The following SLC30A9 variants were observed in gnomAD, a reference collection of about 807,000 sequenced individuals.
SLC30A9 encodes the protein solute carrier family 30 member 9.
Under a neutral mutation model 87.5 loss-of-function variants are expected in SLC30A9, and 58 were observed. The observed-to-expected ratio is 0.66, with a 90% confidence interval of 0.54 to 0.82. The LOEUF (loss-of-function observed/expected upper bound fraction) is 0.82. Ranked by LOEUF, SLC30A9 falls within the 40% of genes least tolerant of loss-of-function variation. The pLI, the probability that SLC30A9 is intolerant of heterozygous loss-of-function variation, is 0.00. For synonymous variants in SLC30A9, 234 were observed against 233.0 expected, an observed-to-expected ratio of 1.00 and a Z score of -0.04; for missense variants, 557 against 679.1, an observed-to-expected ratio of 0.82 and a Z score of 2.00.
chr4:42,029,963 G>A (rs1435695245), intron 6 of SLC30A9: 2 of 883,904 alleles, frequency 2.3e-6, no homozygotes, highest in South Asian at 1.3e-5. Context: ...GCAAACTCCT[G>A]CAGCCCAAAT....
At chr4:41,995,433 T>C (rs1404034753) in intron 1 of SLC30A9, among the ~76,000 whole-genome samples, 2 of 152,100 alleles carry the variant, frequency 1.3e-5, no homozygotes, top group Non-Finnish European at 2.9e-5. Flanking sequence ...TTATAGTTGC[T>C]GATAGTGTAG....
chr4:42,022,462 C>G (rs889274220), intron 4 of SLC30A9, among the ~76,000 whole-genome samples: 1 of 151,908 alleles, frequency 6.6e-6, no homozygotes, highest in Non-Finnish European at 1.5e-5. Flanking sequence ...GAACTCCTGA[C>G]CACCCACCTC....
chr4:42,023,963 A>G (rs10461068), intron 6 of SLC30A9, among the ~76,000 whole-genome samples: 98,308 of 152,002 alleles, frequency 0.65, 35,980 homozygotes, highest in East Asian at 0.96. Flanking sequence ...GGGGGAGACC[A>G]TCCCCATGAT....
chr4:41,993,752 G>A (rs1423456283), intron 1 of SLC30A9, among the ~76,000 whole-genome samples: 2 of 152,170 alleles, frequency 1.3e-5, no homozygotes, highest in African/African-American at 2.4e-5. Context: ...GTTTGCAGAA[G>A]TTTATTATAG....
At chr4:42,033,607 G>A (rs368474534) in intron 6 of SLC30A9, among the ~76,000 whole-genome samples, 1 of 151,784 alleles carries the variant, frequency 6.6e-6, no homozygotes, top group Non-Finnish European at 1.5e-5. Context: ...GCGGAGTCTC[G>A]CTCTGTGGCC....
rs370246324 is a variant in SLC30A9, at chr4:42,001,746, A to T, written c.240A>T (p.Thr80=). 28 of 1,610,426 alleles carry T rather than the reference A, an allele frequency of 1.7e-5. No individual in the cohort carries two copies. Among genetic ancestry groups the T allele is most frequent in the Non-Finnish European group, 2.4e-5 (28 of 1,178,436 alleles). The change falls in exon 2 of 18, where the codon ACA becomes ACT. Residue 80 remains threonine, a synonymous_variant. Coordinates refer to ENST00000264451, the MANE Select transcript of SLC30A9 (RefSeq NM_006345.4). ...NVQKEGQGSQ[T]LRVEKVPSFE... ...AGAAAGAAGGACAGGGATCACAAAC[A>T]CTCAGAGTGGAAAAAGTACCATCAT... is the stretch of plus-strand genomic sequence containing the variant.
intron 6 of SLC30A9, among the ~76,000 whole-genome samples, chr4:42,024,325 G>A (rs1296586741): frequency 6.6e-6 from 1 of 152,138 alleles, no homozygotes; most frequent in African/African-American, 2.4e-5. Flanking sequence ...GGGCAACATA[G>A]ACATAAATGG....
chr4:42,086,115 G>T lies in SLC30A9; in HGVS notation c.1696G>T (p.Glu566Ter). ...RNPEVRHVDL[E>*]IL The stretch of plus-strand genomic sequence containing the variant: ...TCCTGAAGTTCGACATGTAGATTTG[G>T]AGATACTGTGAGTTTGATGGAATGA... The change falls in exon 18 of 18, where the codon GAG (glutamate) becomes TAG (stop). Residue 566 changes from glutamate (E) to a stop codon, truncating the protein, a stop_gained. Coordinates refer to ENST00000264451, the MANE Select transcript of SLC30A9 (RefSeq NM_006345.4). LOFTEE classifies it high-confidence loss of function. The T allele has an allele frequency of 1.3e-6, 2 of 1,527,738 alleles. No homozygotes were observed. The highest frequency in any genetic ancestry group is 1.8e-6 in the Non-Finnish European group (2 of 1,124,620). 94.6% of individuals were successfully genotyped at this position (1,527,738 alleles called of 1,614,324 possible). A position where few individuals can be genotyped will look rare whatever the true frequency, so the allele number is the denominator to read the frequency against.
Position 42,066,751 on chromosome 4 carries a change from A to G in SLC30A9, c.1144+130A>G, listed in dbSNP as rs73812707. On this transcript the variant is annotated intron_variant, in intron 13 of 17. Coordinates refer to ENST00000264451, the MANE Select transcript of SLC30A9 (RefSeq NM_006345.4). ...TGAATATCATCCCTGTGTGGCTCTT[A>G]CATATCCTTCAGCCCTTATTAAAAA... 2.2e-3 allele frequency: 1,276 copies of G among 589,018 alleles called. 18 individuals carry two copies. The African/African-American group carries it at 0.022, about 10-fold the overall frequency. 36.5% of individuals were successfully genotyped at this position (589,018 alleles called of 1,614,324 possible). A position where few individuals can be genotyped will look rare whatever the true frequency, so the allele number is the denominator to read the frequency against.
At chr4:42,036,202 C>T (rs1716670749) in intron 7 of SLC30A9, among the ~76,000 whole-genome samples, 1 of 152,170 alleles carries the variant, frequency 6.6e-6, no homozygotes, top group Non-Finnish European at 1.5e-5. Context: ...TCACTCTTTA[C>T]TCTTCAGCTG....
intron 2 of SLC30A9, among the ~76,000 whole-genome samples, chr4:42,006,542 CTGGGCATAGTGGTG>C (rs1412452131): frequency 1.3e-5 from 2 of 152,054 alleles, no homozygotes; most frequent in Non-Finnish European, 2.9e-5. Context: ...CAAAAATTAG[CTGGGCATAGTGGTG>C]TGCACCTATA....
chr4:42,030,161 G>A, intron 6 of SLC30A9: 1 of 792,202 alleles, frequency 1.3e-6, no homozygotes, highest in Non-Finnish European at 1.8e-6. Flanking sequence ...CATTTAATAA[G>A]TTTAAAAAAA....
chr4:42,013,509 A>G (rs916636393), intron 2 of SLC30A9, among the ~76,000 whole-genome samples: 2 of 152,176 alleles, frequency 1.3e-5, no homozygotes, highest in African/African-American at 4.8e-5. Flanking sequence ...TACTAAACCT[A>G]AATCCTTTAT....
intron 7 of SLC30A9, among the ~76,000 whole-genome samples, chr4:42,036,567 T>TA (rs1384914731): frequency 1.1e-4 from 16 of 152,214 alleles, no homozygotes; most frequent in Non-Finnish European, 1.8e-4. Context: ...ATCAAGAAGT[T>TA]AATGTCATAT....
At chr4:42,078,908 T>G (rs1334324383) in intron 17 of SLC30A9, 1 of 152,224 alleles carries the variant, frequency 6.6e-6, no homozygotes, top group East Asian at 1.9e-4. Context: ...ATCTTTAATG[T>G]ATATAATTTG....
In SLC30A9 at chr4:42,070,707, G is replaced by A. The variant is rs1363249342; in HGVS notation, c.1418+16G>A. 1.2e-6 allele frequency: 2 copies of A among 1,605,766 alleles called. No individual in the cohort carries two copies. Among genetic ancestry groups the A allele is most frequent in the East Asian group, 2.2e-5 (1 of 44,830 alleles). ...CATCAGTAAGGTCAGCCTTATTCCA[G>A]TAATCCTGTTAAGGCTTACAAAAAC... is the stretch of plus-strand genomic sequence containing the variant. On this transcript the variant is annotated intron_variant, in intron 15 of 17. Coordinates refer to ENST00000264451, the MANE Select transcript of SLC30A9 (RefSeq NM_006345.4).
chr4:41,992,379 CG>C (rs977188856), intron 1 of SLC30A9, among the ~76,000 whole-genome samples: 3 of 151,586 alleles, frequency 2.0e-5, no homozygotes, highest in African/African-American at 7.3e-5. Context: ...ATGAATCATA[CG>C]TTTATACTGT....
At chr4:42,059,909 G>A (rs1191520567) in intron 9 of SLC30A9, among the ~76,000 whole-genome samples, 1 of 152,102 alleles carries the variant, frequency 6.6e-6, no homozygotes, top group Non-Finnish European at 1.5e-5. Flanking sequence ...TACTGTAGAA[G>A]TAATTTATGG....
At chr4:42,037,911 C>T (rs1408095841) in intron 7 of SLC30A9, among the ~76,000 whole-genome samples, 3 of 152,084 alleles carry the variant, frequency 2.0e-5, no homozygotes, top group Admixed American at 1.3e-4. Context: ...GCTGGGATTA[C>T]GGGCACCCAC....
Sources: allele counts gnomAD v4.1 joint callset (sites outside exome capture counted in the v4.1 genomes callset), GRCh38; gene constraint gnomAD v4.1.1; transcripts MANE v1.5; gene names NCBI Gene and HGNC (gene_info 2026-07-23, HGNC 2026-07-21).